Variants in C12orf56 observed in about 807,000 individuals in gnomAD.
The protein encoded by C12orf56 is chromosome 12 open reading frame 56, also known as uncharacterized protein C12orf56.
A neutral mutation model predicts 69.9 loss-of-function variants in C12orf56; 71 were observed. The observed-to-expected ratio is 1.02, with a 90% CI of 0.84 to 1.24. The LOEUF (loss-of-function observed/expected upper bound fraction) is 1.24, where lower values mean the gene tolerates loss of function less well. C12orf56 is among the 50% of genes most tolerant of loss of function. C12orf56 has a pLI of 0.00. For synonymous variants in C12orf56, 276 were observed against 274.1 expected (o/e 1.01, Z -0.07); for missense variants, 732 against 738.5 (o/e 0.99, Z 0.10).
intron 1 of C12orf56, among the ~76,000 whole-genome samples, chr12:64,388,080 C>T (rs2039817862): frequency 6.6e-6 from 1 of 152,126 alleles, no homozygotes; most frequent in Non-Finnish European, 1.5e-5. Context: ...AGTGATCCTC[C>T]TGCCTCAGCC....
intron 5 of C12orf56, among the ~76,000 whole-genome samples, chr12:64,304,706 C>T (rs1385867082): frequency 6.6e-6 from 1 of 152,184 alleles, no homozygotes; most frequent in Non-Finnish European, 1.5e-5. Context: ...CTTTACTGGG[C>T]GCTGACGAGG....
intron 1 of C12orf56, among the ~76,000 whole-genome samples, chr12:64,383,895 G>C (rs2039754538): frequency 6.6e-6 from 1 of 152,202 alleles, no homozygotes; most frequent in African/African-American, 2.4e-5. Context: ...AATGAATCCA[G>C]CTAAGTATAA....
rs975069978 is a variant in C12orf56 at position 64,346,300 on chromosome 12, C to T, written c.415+6594G>A. On this transcript the variant is annotated intron_variant, in intron 2 of 12. Transcript: ENST00000543942. ...CAGGAGAAAGATGTAGGCTGAGAGG[C>T]TAGGCGAGTCTCTCTTTTCACATTT... 3.3e-5 allele frequency among the ~76,000 whole-genome samples: 5 copies of T among 152,090 alleles called. No homozygotes were observed. In the East Asian group the frequency reaches 9.6e-4, roughly 29 times the overall value.
At chr12:64,347,143 T>C (rs374865259) in intron 2 of C12orf56, among the ~76,000 whole-genome samples, 2 of 151,818 alleles carry the variant, frequency 1.3e-5, no homozygotes, top group Non-Finnish European at 2.9e-5. Flanking sequence ...ACCCAACTAA[T>C]TTTTTTGTAT....
At chr12:64,308,924 G>GAAAA (rs796854917) in intron 5 of C12orf56, among the ~76,000 whole-genome samples, 1 of 45,924 alleles carries the variant, frequency 2.2e-5, no homozygotes, top group African/African-American at 8.4e-5. Flanking sequence ...AAGAAAGAAA[G>GAAAA]AAAGAAAGAA....
rs752406157 is a variant in C12orf56, at chr12:64,390,331, C to A, written c.235G>T (p.Val79Phe). 6.2e-7 allele frequency: 1 copy of A among 1,610,064 alleles called. No homozygotes were observed. ...CCGCTCACCAGGTCAATGGCCACGA[C>A]GTCCCGCAGAGCCACTACCCGCCGG... ...SIRRVVALRD[V>F]VAIDLIDDYP... Residue 79 changes from valine to phenylalanine, a missense_variant, in exon 1 of 13, where the codon GTC (valine) becomes TTC (phenylalanine). Transcript: ENST00000543942.
intron 9 of C12orf56, 67 bp downstream of exon 9, chr12:64,277,613 T>G: frequency 9.4e-7 from 1 of 1,061,930 alleles, no homozygotes; most frequent in Non-Finnish European, 1.2e-6. Context: ...ATGGTCCACA[T>G]TAAAAGAAGC....
intron 4 of C12orf56, among the ~76,000 whole-genome samples, 158 bp downstream of exon 4, chr12:64,318,417 A>G (rs913415675): frequency 2.0e-5 from 3 of 152,156 alleles, no homozygotes; most frequent in African/African-American, 7.2e-5. Flanking sequence ...AAATAAAATC[A>G]TCTCCTTAAT....
intron 4 of C12orf56, among the ~76,000 whole-genome samples, chr12:64,317,473 T>C (rs987229558): frequency 6.6e-6 from 1 of 152,124 alleles, no homozygotes; most frequent in African/African-American, 2.4e-5. Context: ...AAAAATTTTG[T>C]GTTTCGGCCA....
intron 4 of C12orf56, among the ~76,000 whole-genome samples, chr12:64,316,358 A>C (rs900175390): frequency 6.6e-6 from 1 of 152,090 alleles, no homozygotes; most frequent in African/African-American, 2.4e-5. Context: ...TCAGCCTCCG[A>C]AAGTGCTGGG....
chr12:64,343,226 C>T (rs559131255), intron 2 of C12orf56, among the ~76,000 whole-genome samples: 1 of 152,210 alleles, frequency 6.6e-6, no homozygotes, highest in East Asian at 1.9e-4. Context: ...GTAGAAGGTC[C>T]CTGAATTTTA....
intron 1 of C12orf56, among the ~76,000 whole-genome samples, chr12:64,353,604 A>G (rs1161021318): frequency 1.3e-5 from 2 of 152,186 alleles, no homozygotes; most frequent in Non-Finnish European, 1.5e-5. Flanking sequence ...TATTTACACT[A>G]TAGAATTGCT....
chr12:64,384,855 A>C (rs2039766293), intron 1 of C12orf56, among the ~76,000 whole-genome samples: 1 of 152,076 alleles, frequency 6.6e-6, no homozygotes, highest in African/African-American at 2.4e-5. Flanking sequence ...GGATTTCGAG[A>C]CTGGCCTGGC....
At chr12:64,353,974 C>A (rs1172324794) in intron 1 of C12orf56, among the ~76,000 whole-genome samples, 3 of 152,222 alleles carry the variant, frequency 2.0e-5, no homozygotes, top group African/African-American at 7.2e-5. Flanking sequence ...AGCCACCGTG[C>A]CTGGTCCACT....
intron 12 of C12orf56, among the ~76,000 whole-genome samples, chr12:64,269,615 A>C (rs2037956052): frequency 6.6e-6 from 1 of 150,646 alleles, no homozygotes; most frequent in African/African-American, 2.4e-5. Context: ...TTGAGGCGGA[A>C]TATCCCTCCG....
Position 64,390,600 on chromosome 12 carries a change from T to G in C12orf56, c.-35A>C. 1.4e-6 allele frequency: 2 copies of G among 1,473,828 alleles called. No individual in the cohort carries two copies. Among genetic ancestry groups the G allele is most frequent in the Non-Finnish European group, 1.8e-6 (2 of 1,121,490 alleles). 91.3% of individuals were successfully genotyped at this position (1,473,828 alleles called of 1,614,324 possible). On this transcript the variant is annotated 5_prime_UTR_variant, in exon 1 of 13. Transcript: ENST00000543942. ...CCGCAGCGTGGCGGAGTGCTGGGAC[T>G]CGAGGCCCTCAGCTCGCCCTCTCCC... is the stretch of plus-strand genomic sequence containing the variant.
At chr12:64,271,347 C>T (rs563849826) in intron 11 of C12orf56, among the ~76,000 whole-genome samples, 22 of 152,102 alleles carry the variant, frequency 1.4e-4, no homozygotes, top group Admixed American at 6.5e-4. Context: ...TGTCTGTAAT[C>T]CCAGCTACTT....
At chr12:64,335,639 C>T (rs940025242) in intron 2 of C12orf56, among the ~76,000 whole-genome samples, 8 of 152,096 alleles carry the variant, frequency 5.3e-5, no homozygotes, top group African/African-American at 1.9e-4. Context: ...TGAGATCAGC[C>T]TTGGCAATTC....
At position 64,318,206 on chromosome 12, in the gene C12orf56, G is replaced by A. The variant is rs564784523; in HGVS notation, c.894+369C>T. The stretch of plus-strand genomic sequence containing the variant: ...CTCCCAAATAGCTGGGATTACCGGC[G>A]CGCACCACCACATCCGGCTAATTTT... On this transcript the variant is annotated intron_variant, in intron 4 of 12. Transcript: ENST00000543942. 7.9e-5 allele frequency among the ~76,000 whole-genome samples: 12 copies of A among 151,922 alleles called. No individual in the cohort carries two copies. The South Asian group carries it at 1.7e-3, about 21-fold the overall frequency.
Sources: allele counts gnomAD v4.1 joint callset (sites outside exome capture counted in the v4.1 genomes callset), GRCh38; gene constraint gnomAD v4.1.1; transcripts MANE v1.5; gene names NCBI Gene and HGNC (gene_info 2026-07-23, HGNC 2026-07-21).